Variants in PIEZO2 observed in about 807,000 individuals in gnomAD.
The protein encoded by PIEZO2 is piezo type mechanosensitive ion channel component 2.
PIEZO2 carries 172 observed loss-of-function variants against 337.3 expected under a neutral mutation model. That is an observed-to-expected ratio of 0.51 (90% CI 0.45 to 0.58). The LOEUF (loss-of-function observed/expected upper bound fraction) is 0.58. Ranked by LOEUF, PIEZO2 falls within the 20% of genes least tolerant of loss-of-function variation. The pLI, the probability that PIEZO2 is intolerant of heterozygous loss-of-function variation, is 0.00. For missense variants in PIEZO2, 3,028 were observed against 3,391.3 expected, an observed-to-expected ratio of 0.89 and a Z score of 2.66; for synonymous variants, 1,251 against 1,228.5, an observed-to-expected ratio of 1.02 and a Z score of -0.38.
At position 10,988,095 on chromosome 18, in the gene PIEZO2, G is replaced by A. The variant is rs2034949406; in HGVS notation, c.161-8435C>T. On this transcript the variant is annotated intron_variant, in intron 2 of 55. Transcript: ENST00000674853. The surrounding 1 kb of genome is among the most constrained non-coding windows in gnomAD (Gnocchi z 4.8). ...GGTGGAACCTTTAGGATGTGATCAA[G>A]ACATGAGGGTTGAGCTCTCAGGTAT... 6.6e-6 allele frequency among the ~76,000 whole-genome samples: 1 copy of A among 151,964 alleles called. No individual in the cohort carries two copies. Among genetic ancestry groups the A allele is most frequent in the Admixed American group, 6.6e-5 (1 of 15,266 alleles).
intron 7 of PIEZO2, among the ~76,000 whole-genome samples, chr18:10,827,072 T>C (rs991056417): frequency 1.3e-5 from 2 of 152,204 alleles, no homozygotes; most frequent in Non-Finnish European, 2.9e-5. Flanking sequence ...AAAATAGATA[T>C]ATATTTATGC....
rs1046750955 is a variant in PIEZO2 at position 11,094,739 on chromosome 18, T to A, written c.65-28517A>T. 7.2e-5 allele frequency among the ~76,000 whole-genome samples: 11 copies of A among 152,262 alleles called. No individual in the cohort carries two copies. Among genetic ancestry groups the A allele is most frequent in the Non-Finnish European group, 1.3e-4 (9 of 68,038 alleles). On this transcript the variant is annotated intron_variant, in intron 1 of 55. Transcript: ENST00000674853. This position sits in a 1 kb window ranked among gnomAD's most constrained non-coding sequence, Gnocchi z 4.4. ...AATGGGAGCTGGATGAAGAGCTGAT[T>A]ATTCTATATAAATTATAAAATATCT...
At chr18:11,065,956 A>G (rs1280614388) in intron 2 of PIEZO2, among the ~76,000 whole-genome samples, 171 bp downstream of exon 2, 1 of 152,266 alleles carries the variant, frequency 6.6e-6, no homozygotes, top group African/African-American at 2.4e-5. Flanking sequence ...AACAACTTCT[A>G]TACAGCTCTA....
chr18:11,062,212 A>C (rs546467461), intron 2 of PIEZO2, among the ~76,000 whole-genome samples: 1,562 of 152,022 alleles, frequency 0.01, 20 homozygotes, highest in African/African-American at 0.036. Context: ...CCATATGTAG[A>C]AAGCTGAAAC....
chr18:10,913,665 T>C (rs443800), intron 3 of PIEZO2, among the ~76,000 whole-genome samples: 141,413 of 152,086 alleles, frequency 0.93, 65,817 homozygotes, highest in East Asian at 1. Flanking sequence ...TAAAAATAAG[T>C]CCCATCTTCC....
At chr18:11,056,269 C>T (rs984292270) in intron 2 of PIEZO2, among the ~76,000 whole-genome samples, 1 of 152,136 alleles carries the variant, frequency 6.6e-6, no homozygotes, top group African/African-American at 2.4e-5. Flanking sequence ...CAGCCACCCC[C>T]AATTCCCAGG....
Position 10,861,419 on chromosome 18 carries a change from T to C in PIEZO2, c.493-4208A>G, listed in dbSNP as rs2041869206. On this transcript the variant is annotated intron_variant, in intron 5 of 55. Transcript: ENST00000674853. The surrounding 1 kb of genome is among the most constrained non-coding windows in gnomAD (Gnocchi z 4.3). ...CCTTTATCTCACCTCTTTAAAAGTT[T>C]ATGATTTTAACAGGAAATCTTGTTA... Among the ~76,000 whole-genome samples the C allele has an allele frequency of 6.6e-6, 1 of 152,260 alleles. No individual in the cohort carries two copies.
chr18:10,975,327 C>T (rs1377091770), intron 3 of PIEZO2, among the ~76,000 whole-genome samples: 1 of 152,064 alleles, frequency 6.6e-6, no homozygotes, highest in South Asian at 2.1e-4. Flanking sequence ...TAATTGAAAC[C>T]GGGTTTACAT....
At chr18:11,024,382 A>G (rs2036447970) in intron 2 of PIEZO2, among the ~76,000 whole-genome samples, 1 of 151,698 alleles carries the variant, frequency 6.6e-6, no homozygotes, top group Non-Finnish European at 1.5e-5. Flanking sequence ...CACCTCTACT[A>G]AAAAATACAA....
Position 11,033,951 on chromosome 18 carries a change from A to G in PIEZO2, c.160+32176T>C, listed in dbSNP as rs548106435. Among the ~76,000 whole-genome samples the G allele has an allele frequency of 1.3e-5, 2 of 152,130 alleles. No individual in the cohort carries two copies. Among genetic ancestry groups the G allele is most frequent in the Admixed American group, 1.3e-4 (2 of 15,282 alleles). On this transcript the variant is annotated intron_variant, in intron 2 of 55. Transcript: ENST00000674853. The surrounding 1 kb of genome is among the most constrained non-coding windows in gnomAD (Gnocchi z 4.2). ...AATACCTGAAAAACTTATACGAGCT[A>G]ATGTTGTGCTGATTTGAAACTGAAG... is the stretch of plus-strand genomic sequence containing the variant.
chr18:10,938,745 T>C (rs1412768371), intron 3 of PIEZO2, among the ~76,000 whole-genome samples: 1 of 152,218 alleles, frequency 6.6e-6, no homozygotes, highest in African/African-American at 2.4e-5. Flanking sequence ...GCACATTTCT[T>C]TAACATGAAA....
chr18:10,982,663 A>G lies in PIEZO2; in HGVS notation c.161-3003T>C, dbSNP rs1423360584. Among the ~76,000 whole-genome samples, 2 of 152,348 alleles carry G rather than the reference A, an allele frequency of 1.3e-5. No individual in the cohort carries two copies. Among genetic ancestry groups the G allele is most frequent in the South Asian group, 2.1e-4 (1 of 4,830 alleles). ...TTTGAAATTTTGAAGAATACGATCG[A>G]AAGTGGGTGAGGTTGGTGTATCATA... is the stretch of plus-strand genomic sequence containing the variant. On this transcript the variant is annotated intron_variant, in intron 2 of 55. Coordinates refer to ENST00000674853, the MANE Select transcript of PIEZO2 (RefSeq NM_001378183.1). This position sits in a 1 kb window ranked among gnomAD's most constrained non-coding sequence, Gnocchi z 4.1.
intron 1 of PIEZO2, among the ~76,000 whole-genome samples, chr18:11,093,076 T>C (rs2039147137): frequency 6.6e-6 from 1 of 152,216 alleles, no homozygotes; most frequent in African/African-American, 2.4e-5. Flanking sequence ...CACTGCAGCT[T>C]CAGCAGCTTT....
At chr18:10,696,316 C>CA in intron 46 of PIEZO2, 28 bp from the exon 47 acceptor site, 2 of 1,613,734 alleles carry the variant, frequency 1.2e-6, no homozygotes, top group Non-Finnish European at 1.7e-6. Flanking sequence ...AATTCATGCC[C>CA]AAGAGAGGCA....
chr18:11,010,322 G>T (rs2035850919), intron 2 of PIEZO2, among the ~76,000 whole-genome samples: 1 of 152,170 alleles, frequency 6.6e-6, no homozygotes, highest in Non-Finnish European at 1.5e-5. Context: ...CATCCAAAAT[G>T]CTGCCTGTAT....
chr18:10,864,840 G>A (rs2041964256), intron 5 of PIEZO2, among the ~76,000 whole-genome samples: 1 of 152,168 alleles, frequency 6.6e-6, no homozygotes, highest in Non-Finnish European at 1.5e-5. Context: ...GCGAATCCCG[G>A]AAGGACAAGA....
rs191543992 is a variant in PIEZO2, at chr18:10,780,157, C to T, written c.2534+168G>A. On this transcript the variant is annotated intron_variant, in intron 18 of 55. Transcript: ENST00000674853. Reference sequence around the variant, plus strand: ...TCCACATCCACTTGACGGCACCAGTCGGTACAGATACCAAATGGTTTGGTT... The same window carrying T: ...TCCACATCCACTTGACGGCACCAGTTGGTACAGATACCAAATGGTTTGGTT... Among the ~76,000 whole-genome samples, 257 of 152,286 alleles carry T rather than the reference C, an allele frequency of 1.7e-3. 3 individuals carry two copies. The highest frequency in any genetic ancestry group is 1.9e-4 in the East Asian group (1 of 5,174).
chr18:10,894,378 C>A lies in PIEZO2; in HGVS notation c.329+16808G>T, dbSNP rs376499515. The A allele has an allele frequency of 6.6e-6, 1 of 152,126 alleles. No homozygotes were observed. Among genetic ancestry groups the A allele is most frequent in the East Asian group, 1.9e-4 (1 of 5,192 alleles). 9.4% of individuals were successfully genotyped at this position (152,126 alleles called of 1,614,324 possible). ...CTGAGGCAGGAAAATCGCTTGAATT[C>A]GGAAGGCGGAGCTGGCAGTGAGCTG... On this transcript the variant is annotated intron_variant, in intron 4 of 55. Transcript: ENST00000674853. The surrounding 1 kb of genome is among the most constrained non-coding windows in gnomAD (Gnocchi z 4.1).
At chr18:10,736,743 A>G in intron 33 of PIEZO2, 33 bp from the exon 34 acceptor site, 1 of 1,530,710 alleles carries the variant, frequency 6.5e-7, no homozygotes, top group South Asian at 1.2e-5. Context: ...TCATTTCTTG[A>G]AAGACATATA....
Sources: allele counts gnomAD v4.1 joint callset (sites outside exome capture counted in the v4.1 genomes callset), GRCh38; gene constraint gnomAD v4.1.1; non-coding constraint Gnocchi (gnomAD v3.1); transcripts MANE v1.5; gene names NCBI Gene and HGNC (gene_info 2026-07-23, HGNC 2026-07-21).